The following TANC2 variants were observed in gnomAD, a reference collection of about 807,000 sequenced individuals.
TANC2 encodes tetratricopeptide repeat, ankyrin repeat and coiled-coil containing 2, also known as protein TANC2.
TANC2 carries 26 observed loss-of-function variants against 210.5 expected under a neutral mutation model. The observed-to-expected ratio is 0.12, with a 90% confidence interval of 0.09 to 0.17. The LOEUF (loss-of-function observed/expected upper bound fraction) is 0.17. Ranked by LOEUF, TANC2 falls within the 10% of genes least tolerant of loss-of-function variation. The pLI is 1.00. For missense variants in TANC2, 2,129 were observed against 2,608.9 expected (o/e 0.82, Z 4.01); for synonymous variants, 931 against 967.1 (o/e 0.96, Z 0.69).
chr17:63,267,522 T>G (rs1446178879), intron 8 of TANC2, among the ~76,000 whole-genome samples: 1 of 152,212 alleles, frequency 6.6e-6, no homozygotes, highest in African/African-American at 2.4e-5. Flanking sequence ...AGGTTTATTA[T>G]GTACTGTCTT....
At chr17:62,982,052 G>A (rs74696446) in intron 1 of TANC2, among the ~76,000 whole-genome samples, 103 of 149,234 alleles carry the variant, frequency 6.9e-4, no homozygotes, top group African/African-American at 2.4e-3. Context: ...TGAATCATTG[G>A]CCGCTGATGG....
intron 8 of TANC2, among the ~76,000 whole-genome samples, chr17:63,257,074 A>ATT (rs58464562): frequency 0.045 from 5,710 of 126,016 alleles, 410 homozygotes; most frequent in African/African-American, 0.14. Context: ...GTTGGTTGGT[A>ATT]TTTTTTTTTT....
At chr17:63,411,237 A>G (rs1466915694) in intron 21 of TANC2, among the ~76,000 whole-genome samples, 1 of 152,064 alleles carries the variant, frequency 6.6e-6, no homozygotes, top group Non-Finnish European at 1.5e-5. Flanking sequence ...GGATTCTCAC[A>G]GGGGAATAAT....
intron 7 of TANC2, among the ~76,000 whole-genome samples, chr17:63,205,344 C>CAAAAAAAAAAAAAAAAAAAAAAAAAAAAA (rs1158768609): frequency 3.7e-4 from 3 of 8,070 alleles, no homozygotes; most frequent in Admixed American, 1.2e-3. Context: ...ACCAAGGAGG[C>CAAAAAAAAAAAAAAAAAAAAAAAAAAAAA]AAAAAAAAAA....
At chr17:63,328,679 A>G (rs2045737592) in intron 11 of TANC2, among the ~76,000 whole-genome samples, 1 of 151,318 alleles carries the variant, frequency 6.6e-6, no homozygotes, top group Admixed American at 6.6e-5. Context: ...CAGGTGATCA[A>G]CAACTTCTCC....
chr17:63,009,755 T>TTAA, intron 2 of TANC2, 129 bp downstream of exon 2: 1 of 756,142 alleles, frequency 1.3e-6, no homozygotes, highest in Non-Finnish European at 2.2e-6. Context: ...TACATTTCTT[T>TTAA]GGGCTTTCAT....
intron 5 of TANC2, among the ~76,000 whole-genome samples, chr17:63,160,268 A>T (rs1370057553): frequency 6.6e-6 from 1 of 152,244 alleles, no homozygotes; most frequent in African/African-American, 2.4e-5. Flanking sequence ...GACTGGGCAC[A>T]GTGGCTCATG....
chr17:62,984,516 C>G (rs1443346563), intron 1 of TANC2, among the ~76,000 whole-genome samples: 2 of 151,718 alleles, frequency 1.3e-5, no homozygotes, highest in East Asian at 3.9e-4. Flanking sequence ...TCGGCTTGTT[C>G]TTGCTTTTCT....
intron 7 of TANC2, among the ~76,000 whole-genome samples, chr17:63,212,293 T>C (rs2041910992): frequency 2.0e-5 from 3 of 152,246 alleles, no homozygotes. Flanking sequence ...TTAAGTTCTC[T>C]ATGATTAATT....
rs1180040493 is a variant in TANC2 at position 63,008,099 on chromosome 17, G to A, written c.-23-1438G>A. Among the ~76,000 whole-genome samples the A allele has an allele frequency of 2.0e-5, 3 of 148,326 alleles. No homozygotes were observed. In the South Asian group the frequency reaches 6.5e-4, roughly 32 times the overall value. Reference sequence around the variant, plus strand: ...TCTTGCTACTTTAAATGTGTTTTTTGGGGGTCTGGCTGTTTAAAAGATTGT... The same window carrying A: ...TCTTGCTACTTTAAATGTGTTTTTTAGGGGTCTGGCTGTTTAAAAGATTGT... On this transcript the variant is annotated intron_variant, in intron 1 of 27. Coordinates refer to ENST00000689528, the Ensembl canonical transcript of TANC2.
chr17:63,099,485 C>G (rs2037541233), intron 4 of TANC2, 128 bp downstream of exon 4: 2 of 477,108 alleles, frequency 4.2e-6, no homozygotes, highest in South Asian at 5.3e-5. Context: ...GTCACAGACT[C>G]TTGACACTAA....
At chr17:63,426,206 G>C (rs748622056) in exon 28 of TANC2, 3 of 152,250 alleles carry the variant, frequency 2.0e-5, no homozygotes, top group Non-Finnish European at 4.4e-5. Context: ...CTCGCTCACT[G>C]GGAGGTGCAG....
At chr17:63,131,404 CTTG>C (rs1365851044) in intron 4 of TANC2, among the ~76,000 whole-genome samples, 1 of 152,112 alleles carries the variant, frequency 6.6e-6, no homozygotes, top group Non-Finnish European at 1.5e-5. Context: ...GTTGGGATCA[CTTG>C]TTGGTTGATC....
At chr17:63,009,420 CA>C in intron 1 of TANC2, 116 bp from the exon 2 acceptor site, 1 of 609,164 alleles carries the variant, frequency 1.6e-6, no homozygotes, top group Non-Finnish European at 2.8e-6. Flanking sequence ...GAGTGGCAAA[CA>C]GTCCAGTTGT....
At chr17:63,307,674 G>A (rs1479534119) in intron 9 of TANC2, among the ~76,000 whole-genome samples, 1 of 152,202 alleles carries the variant, frequency 6.6e-6, no homozygotes, top group Non-Finnish European at 1.5e-5. Context: ...TTTCTATAGA[G>A]ATTAATTCAG....
intron 2 of TANC2, among the ~76,000 whole-genome samples, chr17:63,029,653 T>G (rs1305762999): frequency 6.6e-6 from 1 of 151,972 alleles, no homozygotes; most frequent in Non-Finnish European, 1.5e-5. Context: ...GTTCATTAAT[T>G]CACTCCACAG....
intron 1 of TANC2, among the ~76,000 whole-genome samples, chr17:63,005,644 A>G (rs1409384647): frequency 1.3e-5 from 2 of 152,104 alleles, no homozygotes; most frequent in African/African-American, 4.8e-5. Flanking sequence ...CTGTTAAGCA[A>G]CATTGTAGAG....
At chr17:63,294,160 A>G (rs1482629683) in intron 9 of TANC2, among the ~76,000 whole-genome samples, 2 of 152,214 alleles carry the variant, frequency 1.3e-5, no homozygotes, top group Non-Finnish European at 2.9e-5. Flanking sequence ...GTGATTAAAG[A>G]CTGGAGGAGT....
At chr17:63,210,196 C>CT (rs2041842241) in intron 7 of TANC2, among the ~76,000 whole-genome samples, 1 of 152,150 alleles carries the variant, frequency 6.6e-6, no homozygotes, top group African/African-American at 2.4e-5. Context: ...GACTCTCAGC[C>CT]TTTCTATTGT....
Sources: allele counts gnomAD v4.1 joint callset (sites outside exome capture counted in the v4.1 genomes callset), GRCh38; gene constraint gnomAD v4.1.1; transcripts MANE v1.5; gene names NCBI Gene and HGNC (gene_info 2026-07-23, HGNC 2026-07-21).